SPTBN5: variants seen among roughly 807,000 people sequenced by gnomAD.
The protein encoded by SPTBN5 is spectrin beta chain, non-erythrocytic 5.
In SPTBN5, 513 loss-of-function variants were observed where a neutral mutation model predicts 477.6. That is an observed-to-expected ratio of 1.07 (90% CI 1.00 to 1.16). The LOEUF (loss-of-function observed/expected upper bound fraction) is 1.16, where lower values mean the gene tolerates loss of function less well. Among genes scored for constraint, SPTBN5 ranks in the 50% most tolerant of loss-of-function variants. The pLI is 0.00. For synonymous variants in SPTBN5, 2,169 were observed against 2,011.7 expected (o/e 1.08, Z -2.09); for missense variants, 5,062 against 4,731.8 (o/e 1.07, Z -2.05).
intron 43 of SPTBN5, 73 bp downstream of exon 43, chr15:41,862,466 G>A: frequency 6.5e-7 from 1 of 1,542,972 alleles, no homozygotes; most frequent in Non-Finnish European, 8.8e-7. Flanking sequence ...GGGGAACACA[G>A]GGGCTGAGGG....
chr15:41,871,585 T>A, intron 28 of SPTBN5, 65 bp from the exon 29 acceptor site: 1 of 1,408,588 alleles, frequency 7.1e-7, no homozygotes, highest in Admixed American at 3.1e-5. Flanking sequence ...AGCCTGGGAA[T>A]CGAGGCACCT....
At position 41,885,840 on chromosome 15, in the gene SPTBN5, A is replaced by T. The variant is rs1245308504; in HGVS notation, c.1415T>A (p.Leu472Gln). Reference protein sequence around the residue: ...VEAAVQRLGMLEAGILPQEGR... With the variant: ...VEAAVQRLGMQEAGILPQEGR... The stretch of plus-strand genomic sequence containing the variant: ...CTCCTGGGGCAGGATGCCAGCCTCC[A>T]GCATGCCCAGCCTCTGGACGGCTGC... The change falls in exon 7 of 68, where the codon CTG (leucine) becomes CAG (glutamine). Residue 472 changes from leucine (L) to glutamine (Q), a missense_variant. By Grantham distance (113) the Leu-to-Gln change is moderately radical. Coordinates refer to ENST00000320955, the MANE Select transcript of SPTBN5 (RefSeq NM_016642.4). The T allele has an allele frequency of 6.4e-7, 1 of 1,561,844 alleles. No individual in the cohort carries two copies. Among genetic ancestry groups the T allele is most frequent in the African/African-American group, 1.4e-5 (1 of 73,598 alleles).
intron 18 of SPTBN5, 67 bp from the exon 19 acceptor site, chr15:41,877,015 G>A: frequency 6.3e-7 from 1 of 1,586,128 alleles, no homozygotes. Context: ...ACCCGCCACT[G>A]CCCCAGGGGC....
Position 41,874,380 on chromosome 15 carries a change from G to C in SPTBN5, c.4601C>G (p.Ser1534Cys). Residue 1534 changes from serine to cysteine, a missense_variant, in exon 24 of 68, where the codon TCT becomes TGT. Physicochemically the swap from Ser to Cys is moderately radical, Grantham distance 112. Transcript: ENST00000320955. ...QFCHLSNMEL[S>C]WVAEHMPHGS... is the part of the protein sequence containing the mutation. ...ATGGGGCATGTGCTCGGCTACCCAA[G>C]AGAGCTCCATGTTGCTCAGGTGGCA... 6.2e-7 allele frequency: 1 copy of C among 1,613,850 alleles called. No homozygotes were observed. Among genetic ancestry groups the C allele is most frequent in the Non-Finnish European group, 8.5e-7 (1 of 1,179,870 alleles).
In SPTBN5 at chr15:41,854,943, C is replaced by A. The variant is rs926561557; in HGVS notation, c.9457G>T (p.Glu3153Ter). The change falls in exon 56 of 68, where the codon GAA (glutamate) becomes TAA (stop). Residue 3153 changes from glutamate to a stop codon, truncating the protein, a stop_gained. Transcript: ENST00000320955. LOFTEE classifies it high-confidence loss of function. ...TTGGCCTGGCCCAGGCTCTGCACTTCCTTTCTGAAAGCATCAAACTTCTCT... is the reference window on the plus strand; with the variant it reads ...TTGGCCTGGCCCAGGCTCTGCACTTACTTTCTGAAAGCATCAAACTTCTCT... ...LEEKFDAFRK[E>*]VQSLGQAKVY... 3.2e-6 allele frequency: 5 copies of A among 1,562,220 alleles called. No homozygotes were observed. The highest frequency in any genetic ancestry group is 1.7e-4 in the Middle Eastern group (1 of 5,826).
chr15:41,881,006 C>A, intron 13 of SPTBN5, 28 bp downstream of exon 13: 1 of 1,544,566 alleles, frequency 6.5e-7, no homozygotes, highest in South Asian at 1.2e-5. Context: ...AGTAAGGACT[C>A]GAGCATTTCT....
chr15:41,876,755 G>C, intron 19 of SPTBN5, 54 bp downstream of exon 19: 13 of 1,607,604 alleles, frequency 8.1e-6, no homozygotes, highest in Non-Finnish European at 1.1e-5. Flanking sequence ...GCGGCCGTCT[G>C]TGCAGGCTGA....
intron 67 of SPTBN5, among the ~76,000 whole-genome samples, chr15:41,848,862 G>C (rs985952099): frequency 2.0e-5 from 3 of 152,184 alleles, no homozygotes; most frequent in Non-Finnish European, 4.4e-5. Flanking sequence ...AGCTGGCCTA[G>C]CAGCCCCAGC....
At chr15:41,857,067 G>A (rs1287607260) in intron 51 of SPTBN5, 28 bp from the exon 52 acceptor site, 1 of 1,585,586 alleles carries the variant, frequency 6.3e-7, no homozygotes, top group Non-Finnish European at 8.6e-7. Flanking sequence ...GGGACCAAGG[G>A]AGGCAGGGAC....
intron 28 of SPTBN5, 75 bp downstream of exon 28, chr15:41,871,707 C>A: frequency 7.0e-7 from 1 of 1,437,366 alleles, no homozygotes; most frequent in South Asian, 1.5e-5. Context: ...TCTTCCTCCG[C>A]CCCGCCAGAG....
At chr15:41,875,896 G>A (rs1018034946) in intron 21 of SPTBN5, among the ~76,000 whole-genome samples, 3 of 152,190 alleles carry the variant, frequency 2.0e-5, no homozygotes, top group African/African-American at 7.2e-5. Flanking sequence ...GACTTGCCAC[G>A]GAGAGTTGTA....
Position 41,852,988 on chromosome 15 carries a change from G to A in SPTBN5, c.10183C>T (p.Leu3395=). The change falls in exon 60 of 68, where the codon CTG becomes TTG. Residue 3395 remains leucine, a synonymous_variant. Coordinates refer to ENST00000320955, the MANE Select transcript of SPTBN5 (RefSeq NM_016642.4). ...HFMSAEVTEC[L]QELEGRLQEL... ...TGCAGCCGCCCTTCCAGCTCCTGCAGGCACTCTGTCACCTGGTGGGGAGGG... is the reference window on the plus strand; with the variant it reads ...TGCAGCCGCCCTTCCAGCTCCTGCAAGCACTCTGTCACCTGGTGGGGAGGG... The A allele has an allele frequency of 6.5e-7, 1 of 1,543,882 alleles. No homozygotes were observed. The highest frequency in any genetic ancestry group is 8.7e-7 in the Non-Finnish European group (1 of 1,144,622).
intron 21 of SPTBN5, among the ~76,000 whole-genome samples, 179 bp from the exon 22 acceptor site, chr15:41,875,801 T>C (rs1469660771): frequency 6.6e-6 from 1 of 152,140 alleles, no homozygotes; most frequent in African/African-American, 2.4e-5. Flanking sequence ...GGCTTTCCTC[T>C]GACCCCTGCA....
chr15:41,881,294 C>G (rs2066943632), intron 12 of SPTBN5, 60 bp from the exon 13 acceptor site: 4 of 1,420,648 alleles, frequency 2.8e-6, no homozygotes, highest in Non-Finnish European at 3.8e-6. Context: ...GGGCTTTGGC[C>G]AGGCCACCCC....
chr15:41,861,950 T>C (rs376980521), intron 44 of SPTBN5, 27 bp from the exon 45 acceptor site: 90 of 1,584,340 alleles, frequency 5.7e-5, no homozygotes, highest in Non-Finnish European at 7.6e-5. Context: ...CTCAGATCAC[T>C]GGGGGCTGGA....
At chr15:41,882,764 G>T (rs769257124) in intron 9 of SPTBN5, 26 bp from the exon 10 acceptor site, 18 of 1,599,406 alleles carry the variant, frequency 1.1e-5, no homozygotes, top group Non-Finnish European at 1.5e-5. Flanking sequence ...GGCCACCGAA[G>T]GACATGGGGA....
rs768148757 is a variant in SPTBN5, at chr15:41,858,583, C to T, written c.8226+19G>A. ...GCCTGGAGAGCTGTCCCACCACCCT[C>T]CTGCCTGCAGGGCCTCACCCGCTGC... On this transcript the variant is annotated intron_variant, in intron 49 of 67. Coordinates refer to ENST00000320955, the MANE Select transcript of SPTBN5 (RefSeq NM_016642.4). The T allele has an allele frequency of 1.2e-6, 2 of 1,605,860 alleles. No individual in the cohort carries two copies. Among genetic ancestry groups the T allele is most frequent in the African/African-American group, 1.3e-5 (1 of 74,998 alleles).
Position 41,870,429 on chromosome 15 carries a change from AC to A in SPTBN5, c.5562+16del, listed in dbSNP as rs1385242433. The A allele has an allele frequency of 3.1e-6, 5 of 1,612,148 alleles. No homozygotes were observed. The highest frequency in any genetic ancestry group is 4.2e-6 in the Non-Finnish European group (5 of 1,179,086). On this transcript the variant is annotated intron_variant, in intron 30 of 67. Transcript: ENST00000320955. The stretch of plus-strand genomic sequence containing the variant: ...GCCTGGAGTGTATCCACTTCTAGCC[AC>A]CCCTCCGGCTCACACCTGGACCTGG...
At position 41,857,225 on chromosome 15, in the gene SPTBN5, C is replaced by CG. The variant is rs1205318655; in HGVS notation, c.8621+12dup. 1.1e-5 allele frequency: 17 copies of CG among 1,577,868 alleles called. No homozygotes were observed. The highest frequency in any genetic ancestry group is 2.7e-5 in the African/African-American group (2 of 74,356). Reference sequence around the variant, plus strand: ...AGGCAGGGAAGAGAAGCTGAGGGCACGGGTGGATCTACCTCTGAAGCAGCC... The same window carrying CG: ...AGGCAGGGAAGAGAAGCTGAGGGCACGGGGTGGATCTACCTCTGAAGCAGCC... On this transcript the variant is annotated intron_variant, in intron 51 of 67. Coordinates refer to ENST00000320955, the MANE Select transcript of SPTBN5 (RefSeq NM_016642.4).
Sources: allele counts gnomAD v4.1 joint callset (sites outside exome capture counted in the v4.1 genomes callset), GRCh38; gene constraint gnomAD v4.1.1; transcripts MANE v1.5; gene names NCBI Gene and HGNC (gene_info 2026-07-23, HGNC 2026-07-21).